Variants in FAM78A observed in about 807,000 individuals in gnomAD.
The protein encoded by FAM78A is family with sequence similarity 78 member A, also known as protein FAM78A.
FAM78A carries 12 observed loss-of-function variants against 22.6 expected under a neutral mutation model. The ratio of observed to expected loss-of-function variants is 0.53; its 90% CI spans 0.34 to 0.86. The LOEUF (loss-of-function observed/expected upper bound fraction) is 0.86, where lower values mean the gene tolerates loss of function less well. FAM78A is among the 40% of genes least tolerant of loss of function. The pLI, the probability that FAM78A is intolerant of heterozygous loss-of-function variation, is 0.02. For synonymous variants in FAM78A, 151 were observed against 155.8 expected, an observed-to-expected ratio of 0.97 and a Z score of 0.23; for missense variants, 322 against 396.1, an observed-to-expected ratio of 0.81 and a Z score of 1.59.
intron 1 of FAM78A, chr9:131,263,739 C>T (rs149852796): frequency 6.5e-6 from 1 of 152,744 alleles, no homozygotes; most frequent in African/African-American, 2.4e-5. Context: ...GGGGCCGCCG[C>T]AGGAGGAATG....
chr9:131,278,125 C>A (rs1029320344), upstream of FAM78A, among the ~76,000 whole-genome samples: 3 of 151,316 alleles, frequency 2.0e-5, no homozygotes, highest in African/African-American at 7.3e-5. Context: ...GCACACAGCC[C>A]GCCCTCCCCC....
intron 1 of FAM78A, among the ~76,000 whole-genome samples, chr9:131,266,336 C>T (rs1057276748): frequency 2.6e-5 from 4 of 152,212 alleles, no homozygotes; most frequent in Admixed American, 6.5e-5. Context: ...TGTGTGCACA[C>T]GTGCACAGCA....
chr9:131,278,085 C>T (rs997429564), upstream of FAM78A, among the ~76,000 whole-genome samples: 1 of 149,110 alleles, frequency 6.7e-6, no homozygotes, highest in Non-Finnish European at 1.5e-5. Flanking sequence ...TCCTCCTCCC[C>T]GCCCGCCTGG....
intron 1 of FAM78A, among the ~76,000 whole-genome samples, chr9:131,269,172 A>G (rs1260242548): frequency 6.6e-6 from 1 of 150,950 alleles, no homozygotes; most frequent in Non-Finnish European, 1.5e-5. Flanking sequence ...GCCCCTCCCC[A>G]TGTGCCCCAT....
At position 131,265,559 on chromosome 9, in the gene FAM78A, A is replaced by AT. The variant is rs1835333453; in HGVS notation, c.324-4210dup. The stretch of plus-strand genomic sequence containing the variant: ...CCACCATGCCCGGCCTAATTTTTAT[A>AT]TTTTTTTAGTAGAGACGGAGTTTCA... On this transcript the variant is annotated intron_variant, in intron 1 of 1. Coordinates refer to ENST00000372271, the MANE Select transcript of FAM78A (RefSeq NM_033387.4). The surrounding 1 kb of genome is among the most constrained non-coding windows in gnomAD (Gnocchi z 4.3). Among the ~76,000 whole-genome samples the AT allele has an allele frequency of 6.6e-6, 1 of 151,460 alleles. No individual in the cohort carries two copies. The highest frequency in any genetic ancestry group is 2.4e-5 in the African/African-American group (1 of 41,178).
Position 131,268,014 on chromosome 9 carries a change from T to C in FAM78A, c.324-6664A>G, listed in dbSNP as rs536322887. 1.2e-3 allele frequency among the ~76,000 whole-genome samples: 167 copies of C among 135,896 alleles called. 1 individual carries two copies. In the East Asian group the frequency reaches 0.034, roughly 28 times the overall value. 89.2% of individuals were successfully genotyped at this position (135,896 alleles called of 152,430 possible). A position where few individuals can be genotyped will look rare whatever the true frequency, so the allele number is the denominator to read the frequency against. The stretch of plus-strand genomic sequence containing the variant: ...TTGCAGTGAGCCGAGATGGCGCCAC[T>C]GCACTCCAGCCTGGGCGACAGAGTG... On this transcript the variant is annotated intron_variant, in intron 1 of 1. Coordinates refer to ENST00000372271, the MANE Select transcript of FAM78A (RefSeq NM_033387.4).
upstream of FAM78A, among the ~76,000 whole-genome samples, chr9:131,280,415 C>T (rs939524985): frequency 1.3e-5 from 2 of 152,168 alleles, no homozygotes; most frequent in African/African-American, 4.8e-5. Context: ...TGTGAAGTGC[C>T]GGTGTCTGCA....
chr9:131,267,849 TC>T (rs1835363084), intron 1 of FAM78A, among the ~76,000 whole-genome samples: 1 of 151,178 alleles, frequency 6.6e-6, no homozygotes, highest in Non-Finnish European at 1.5e-5. Flanking sequence ...ATCGAGACCA[TC>T]CTGGCTAACA....
rs1835450757 is a variant in FAM78A, at chr9:131,274,047, T to C, written c.323+1810A>G. Among the ~76,000 whole-genome samples, 1 of 152,220 alleles carries C rather than the reference T, an allele frequency of 6.6e-6. No individual in the cohort carries two copies. Among genetic ancestry groups the C allele is most frequent in the Non-Finnish European group, 1.5e-5 (1 of 68,022 alleles). ...TTGTCTCAGGTCCCAGTCTCAGGCC[T>C]AGCTCCAGCCACATCACCCACACCT... On this transcript the variant is annotated intron_variant, in intron 1 of 1. Transcript: ENST00000372271. The surrounding 1 kb of genome is among the most constrained non-coding windows in gnomAD (Gnocchi z 4.2).
chr9:131,260,667 CG>C lies in FAM78A; in HGVS notation c.*154del, dbSNP rs1349858135. The C allele has an allele frequency of 2.4e-6, 2 of 850,330 alleles. No homozygotes were observed. The highest frequency in any genetic ancestry group is 3.4e-6 in the Non-Finnish European group (2 of 586,678). 52.7% of individuals were successfully genotyped at this position (850,330 alleles called of 1,614,324 possible). ...CTGAAAGGAAGCAGGTGCCGAGAGC[CG>C]GGGAGGCCTTCCCGGGGGCATCAGC... On this transcript the variant is annotated 3_prime_UTR_variant, in exon 2 of 2. Coordinates refer to ENST00000372271, the MANE Select transcript of FAM78A (RefSeq NM_033387.4). The surrounding 1 kb of genome is among the most constrained non-coding windows in gnomAD (Gnocchi z 5.4).
At chr9:131,267,339 G>A (rs1476478787) in intron 1 of FAM78A, among the ~76,000 whole-genome samples, 1 of 152,072 alleles carries the variant, frequency 6.6e-6, no homozygotes, top group Non-Finnish European at 1.5e-5. Flanking sequence ...GACCAGCCAG[G>A]GCATCAAAGC....
intron 1 of FAM78A, among the ~76,000 whole-genome samples, chr9:131,267,973 A>G (rs146475667): frequency 0.019 from 2,808 of 148,388 alleles, 80 homozygotes; most frequent in African/African-American, 0.066. Context: ...AATGGCATGA[A>G]CCCGGGAGGC....
intron 1 of FAM78A, among the ~76,000 whole-genome samples, chr9:131,267,084 G>A (rs1835355198): frequency 6.6e-6 from 1 of 152,216 alleles, no homozygotes; most frequent in Non-Finnish European, 1.5e-5. Context: ...TTTAACAGAG[G>A]AGACTTACGG....
At position 131,265,303 on chromosome 9, in the gene FAM78A, C is replaced by T. The variant is rs901862283; in HGVS notation, c.324-3953G>A. ...AGAGTTTCACTCTTCCTGGCCAGGCCGGAGTGCAATGGCATGATCTCAGCT... is the reference window on the plus strand; with the variant it reads ...AGAGTTTCACTCTTCCTGGCCAGGCTGGAGTGCAATGGCATGATCTCAGCT... On this transcript the variant is annotated intron_variant, in intron 1 of 1. Coordinates refer to ENST00000372271, the MANE Select transcript of FAM78A (RefSeq NM_033387.4). The surrounding 1 kb of genome is among the most constrained non-coding windows in gnomAD (Gnocchi z 4.3). Among the ~76,000 whole-genome samples the T allele has an allele frequency of 6.6e-6, 1 of 152,036 alleles. No individual in the cohort carries two copies. The highest frequency in any genetic ancestry group is 1.5e-5 in the Non-Finnish European group (1 of 68,008).
In FAM78A at chr9:131,264,469, C is replaced by G. The variant is rs1292771699; in HGVS notation, c.324-3119G>C. 4.6e-6 allele frequency: 3 copies of G among 654,350 alleles called. No individual in the cohort carries two copies. The Admixed American group carries it at 6.6e-5, about 14-fold the overall frequency. The allele number at this position is 654,350 out of a possible 1,614,324, so 40.5% of individuals were successfully genotyped here. A position where few individuals can be genotyped will look rare whatever the true frequency, so the allele number is the denominator to read the frequency against. ...GTCCACTGTCAGCCCCAGCTACTCG[C>G]ACTGTGGTCCAGTCACAGACGCGCT... On this transcript the variant is annotated intron_variant, in intron 1 of 1. Coordinates refer to ENST00000372271, the MANE Select transcript of FAM78A (RefSeq NM_033387.4).
chr9:131,262,002 T>G lies in FAM78A; in HGVS notation c.324-652A>C, dbSNP rs573306683. ...AGCACTTTGGGAGGCTGAGGCAGGC[T>G]GATCACTTGAGGTTAGGAGTTCAAG... On this transcript the variant is annotated intron_variant, in intron 1 of 1. Coordinates refer to ENST00000372271, the MANE Select transcript of FAM78A (RefSeq NM_033387.4). 1.5e-3 allele frequency among the ~76,000 whole-genome samples: 228 copies of G among 150,586 alleles called. 2 individuals are homozygous for G. Among genetic ancestry groups the G allele is most frequent in the Middle Eastern group, 6.8e-3 (2 of 292 alleles).
chr9:131,271,000 T>TC (rs1835414664), intron 1 of FAM78A, among the ~76,000 whole-genome samples: 1 of 81,370 alleles, frequency 1.2e-5, no homozygotes. Flanking sequence ...TTCCCACCAG[T>TC]CTTTTTTTTT....
At chr9:131,264,036 T>G (rs953318219) in intron 1 of FAM78A, 1 of 152,362 alleles carries the variant, frequency 6.6e-6, no homozygotes, top group Non-Finnish European at 1.5e-5. Flanking sequence ...GGGGGCCTAG[T>G]CTCCTATTTC....
At chr9:131,267,684 AAAT>A (rs1835361288) in intron 1 of FAM78A, among the ~76,000 whole-genome samples, 1 of 152,328 alleles carries the variant, frequency 6.6e-6, no homozygotes, top group African/African-American at 2.4e-5. Flanking sequence ...TGATTTACTC[AAAT>A]ATTATCCCAC....
Sources: gnomAD v4.1 joint callset for allele counts (sites outside exome capture counted in the v4.1 genomes callset) on GRCh38, gnomAD v4.1.1 for gene constraint, Gnocchi (gnomAD v3.1) non-coding constraint, MANE v1.5 for transcripts, NCBI Gene and HGNC (gene_info 2026-07-23, HGNC 2026-07-21) for gene names.